ARID1A: variants seen among roughly 807,000 people sequenced by gnomAD.
ARID1A encodes AT-rich interactive domain-containing protein 1A.
ARID1A carries 20 observed loss-of-function variants against 212.6 expected under a neutral mutation model. The observed-to-expected ratio is 0.09, with a 90% confidence interval of 0.07 to 0.14. The LOEUF (loss-of-function observed/expected upper bound fraction) is 0.14. Among genes scored for constraint, ARID1A ranks in the 10% least tolerant of loss-of-function variants. The pLI is 1.00. For synonymous variants in ARID1A, 1,376 were observed against 1,222.1 expected (o/e 1.13, Z -2.63); for missense variants, 2,587 against 3,059.0 (o/e 0.85, Z 3.64).
intron 4 of ARID1A, among the ~76,000 whole-genome samples, chr1:26,758,696 G>C (rs1201083343): frequency 6.6e-6 from 1 of 151,956 alleles, no homozygotes; most frequent in Non-Finnish European, 1.5e-5. Flanking sequence ...GCTCTTCATA[G>C]CTCCAGGTAC....
intron 1 of ARID1A, among the ~76,000 whole-genome samples, chr1:26,725,550 C>T (rs2080608038): frequency 6.6e-6 from 1 of 152,278 alleles, no homozygotes; most frequent in African/African-American, 2.4e-5. Context: ...TTCTGTTGAT[C>T]ATAAGCCTTT....
intron 1 of ARID1A, among the ~76,000 whole-genome samples, chr1:26,726,796 A>G (rs1054667010): frequency 2.6e-5 from 4 of 152,262 alleles, no homozygotes; most frequent in African/African-American, 4.8e-5. Flanking sequence ...GAGAAATGCA[A>G]TCAGTTAGTT....
intron 1 of ARID1A, among the ~76,000 whole-genome samples, chr1:26,707,196 G>T (rs1186957113): frequency 6.9e-6 from 1 of 145,102 alleles, no homozygotes; most frequent in Non-Finnish European, 1.5e-5. Flanking sequence ...ACCGCGGCTG[G>T]CTAATTTTTT....
chr1:26,700,644 G>A (rs2080323784), intron 1 of ARID1A, among the ~76,000 whole-genome samples: 1 of 152,220 alleles, frequency 6.6e-6, no homozygotes, highest in Non-Finnish European at 1.5e-5. Flanking sequence ...CCAGGAACAA[G>A]TTGGATTTTA....
chr1:26,712,736 G>T (rs1044611059), intron 1 of ARID1A, among the ~76,000 whole-genome samples: 5 of 152,146 alleles, frequency 3.3e-5, no homozygotes, highest in Non-Finnish European at 7.3e-5. Context: ...TCCTGAACAA[G>T]CCACCTCATC....
At position 26,696,768 on chromosome 1, in the gene ARID1A, G is replaced by T. The variant is rs1412101191; in HGVS notation, c.365G>T (p.Gly122Val). 3.7e-6 allele frequency: 5 copies of T among 1,345,578 alleles called. No homozygotes were observed. The highest frequency in any genetic ancestry group is 1.5e-5 in the African/African-American group (1 of 64,842). The allele number at this position is 1,345,578 out of a possible 1,614,324, so 83.4% of individuals were successfully genotyped here. A position where few individuals can be genotyped will look rare whatever the true frequency, so the allele number is the denominator to read the frequency against. ...AACAATAACCTCACGGAGCCGCCCG[G>T]CGGCGGCGGTGGCGGCAGCAGCGAT... is the stretch of plus-strand genomic sequence containing the variant. ...ALNNNLTEPP[G>V]GGGGGSSDGV... Residue 122 changes from glycine (G) to valine (V), a missense_variant, in exon 1 of 20, where the codon GGC (glycine) becomes GTC (valine). Physicochemically the swap from Gly to Val is moderately radical, Grantham distance 109 (BLOSUM62 -3). Coordinates refer to ENST00000324856, the MANE Select transcript of ARID1A (RefSeq NM_006015.6).
chr1:26,766,704 C>T (rs2081042640), intron 10 of ARID1A, 138 bp downstream of exon 10: 1 of 897,866 alleles, frequency 1.1e-6, no homozygotes, highest in Non-Finnish European at 1.7e-6. Context: ...GCTGCTGTTG[C>T]CTCCTCTTAT....
At chr1:26,744,609 C>T (rs2080819432) in intron 4 of ARID1A, among the ~76,000 whole-genome samples, 1 of 152,176 alleles carries the variant, frequency 6.6e-6, no homozygotes, top group African/African-American at 2.4e-5. Context: ...ACTGGTATGT[C>T]CTGATTCTTT....
chr1:26,746,590 G>A (rs1033324003), intron 4 of ARID1A, among the ~76,000 whole-genome samples: 1 of 152,194 alleles, frequency 6.6e-6, no homozygotes, highest in Non-Finnish European at 1.5e-5. Context: ...ACCTGTAGGT[G>A]TGGAGCTATG....
At chr1:26,749,829 G>T (rs779380547) in intron 4 of ARID1A, among the ~76,000 whole-genome samples, 2 of 152,194 alleles carry the variant, frequency 1.3e-5, no homozygotes, top group African/African-American at 2.4e-5. Context: ...TTAAACAGGA[G>T]AATCAATTCT....
In ARID1A at chr1:26,773,965, C is replaced by G. The variant is rs1489511434; in HGVS notation, c.4101+67C>G. 3.9e-6 allele frequency: 6 copies of G among 1,547,014 alleles called. No individual in the cohort carries two copies. The East Asian group carries it at 1.1e-4, about 29-fold the overall frequency. On this transcript the variant is annotated intron_variant, in intron 17 of 19. Coordinates refer to ENST00000324856, the MANE Select transcript of ARID1A (RefSeq NM_006015.6). ...CTTGAAAACTAGTTAGTAAACTAAT[C>G]TAACGTGTTGAAGTCTAAGAAGCTC...
At chr1:26,732,622 C>T in intron 3 of ARID1A, 54 bp from the exon 4 acceptor site, 1 of 1,402,626 alleles carries the variant, frequency 7.1e-7, no homozygotes, top group Admixed American at 1.7e-5. Context: ...GTGAAGTAAG[C>T]CTGCCTGGTT....
chr1:26,711,544 C>T (rs774066302), intron 1 of ARID1A, among the ~76,000 whole-genome samples: 6 of 152,134 alleles, frequency 3.9e-5, no homozygotes, highest in Non-Finnish European at 8.8e-5. Context: ...GAGGTTAGGG[C>T]TTCAACATTA....
intron 4 of ARID1A, among the ~76,000 whole-genome samples, chr1:26,754,519 A>G (rs911821199): frequency 1.3e-5 from 2 of 152,136 alleles, no homozygotes; most frequent in African/African-American, 4.8e-5. Context: ...CATATGCCCC[A>G]GGGGTGTCAT....
Position 26,773,815 on chromosome 1 carries a change from G to A in ARID1A, c.4018G>A (p.Gly1340Ser), listed in dbSNP as rs754160453. 2 of 1,614,134 alleles carry A rather than the reference G, an allele frequency of 1.2e-6. No homozygotes were observed. Among genetic ancestry groups the A allele is most frequent in the South Asian group, 2.2e-5 (2 of 91,080 alleles). ...TGCCTCCTATAGACATGATTCCTAT[G>A]GCAATCAGTTCTCCACCCAAGGCAC... ...QQQQQRHDSY[G>S]NQFSTQGTPS... Residue 1340 changes from glycine (G) to serine (S), a missense_variant, in exon 17 of 20, where the codon GGC becomes AGC. Physicochemically the swap from Gly to Ser is moderately conservative, Grantham distance 56. Coordinates refer to ENST00000324856, the MANE Select transcript of ARID1A (RefSeq NM_006015.6).
chr1:26,706,648 T>C (rs920009070), intron 1 of ARID1A, among the ~76,000 whole-genome samples: 3 of 152,220 alleles, frequency 2.0e-5, no homozygotes, highest in Admixed American at 1.3e-4. Context: ...GAAACAGATA[T>C]ATCTTTGGGC....
intron 1 of ARID1A, among the ~76,000 whole-genome samples, chr1:26,717,574 A>T (rs1258501817): frequency 6.6e-6 from 1 of 152,208 alleles, no homozygotes. Flanking sequence ...ATTGTTCTAC[A>T]AATTTCCAAG....
intron 4 of ARID1A, among the ~76,000 whole-genome samples, chr1:26,750,321 A>T (rs2080873157): frequency 6.6e-6 from 1 of 152,226 alleles, no homozygotes; most frequent in Admixed American, 6.5e-5. Context: ...GCTAAAAAAC[A>T]ATTTTAGCCT....
At chr1:26,728,252 T>C (rs2080637062) in intron 1 of ARID1A, among the ~76,000 whole-genome samples, 1 of 152,202 alleles carries the variant, frequency 6.6e-6, no homozygotes, top group Admixed American at 6.5e-5. Context: ...TCTGCTTCTC[T>C]TTTTTCCCTT....
Sources: gnomAD v4.1 joint callset for allele counts (sites outside exome capture counted in the v4.1 genomes callset) on GRCh38, gnomAD v4.1.1 for gene constraint, MANE v1.5 for transcripts, NCBI Gene and HGNC (gene_info 2026-07-23, HGNC 2026-07-21) for gene names.